The following PKNOX2 variants were observed in gnomAD, a reference collection of about 807,000 sequenced individuals.
PKNOX2 encodes homeobox protein PKNOX2.
Under a neutral mutation model 53.1 loss-of-function variants are expected in PKNOX2, and 14 were observed. That is an observed-to-expected ratio of 0.26 (90% CI 0.17 to 0.41). The LOEUF (loss-of-function observed/expected upper bound fraction) is 0.41. Ranked by LOEUF, PKNOX2 falls within the 10% of genes least tolerant of loss-of-function variation. PKNOX2 has a pLI of 1.00. For synonymous variants in PKNOX2, 257 were observed against 242.8 expected, an observed-to-expected ratio of 1.06 and a Z score of -0.54; for missense variants, 496 against 602.8, an observed-to-expected ratio of 0.82 and a Z score of 1.85.
At chr11:125,193,132 TATA>T (rs966987339) in intron 1 of PKNOX2, among the ~76,000 whole-genome samples, 1 of 152,232 alleles carries the variant, frequency 6.6e-6, no homozygotes, top group Non-Finnish European at 1.5e-5. Flanking sequence ...TTTATAGCTT[TATA>T]AAGCTCTTAA....
At position 125,165,403 on chromosome 11, in the gene PKNOX2, TTC is replaced by T. The variant is rs1954789593; in HGVS notation, c.-201+631_-201+632del. ...CTGGGAACCGCGGGCAGGCTCCAGG[TTC>T]TCTTTCTCCCGGCTTCGGGCGTCCT... On this transcript the variant is annotated intron_variant, in intron 1 of 12. Transcript: ENST00000298282. This position sits in a 1 kb window ranked among gnomAD's most constrained non-coding sequence, Gnocchi z 4.5. Among the ~76,000 whole-genome samples the T allele has an allele frequency of 6.6e-6, 1 of 151,960 alleles. No homozygotes were observed. Among genetic ancestry groups the T allele is most frequent in the Non-Finnish European group, 1.5e-5 (1 of 67,950 alleles).
chr11:125,225,407 G>A (rs1014444796), intron 1 of PKNOX2, among the ~76,000 whole-genome samples: 8 of 152,176 alleles, frequency 5.3e-5, no homozygotes, highest in African/African-American at 1.4e-4. Context: ...TTCCAATCCT[G>A]GACTTCTCTA....
intron 5 of PKNOX2, among the ~76,000 whole-genome samples, chr11:125,374,475 T>C (rs1463510032): frequency 6.6e-6 from 1 of 152,188 alleles, no homozygotes; most frequent in East Asian, 1.9e-4. Context: ...GGAGCTATAA[T>C]CTGAAAAGTG....
chr11:125,348,488 T>TG (rs1951114756), intron 3 of PKNOX2, among the ~76,000 whole-genome samples: 2 of 152,248 alleles, frequency 1.3e-5, no homozygotes, highest in Admixed American at 6.5e-5. Context: ...CAGGGCCATC[T>TG]GGGTCCTCAG....
At chr11:125,350,677 G>A (rs1207393308) in intron 3 of PKNOX2, among the ~76,000 whole-genome samples, 3 of 152,298 alleles carry the variant, frequency 2.0e-5, no homozygotes, top group Admixed American at 6.5e-5. Context: ...CCTTCCCCAA[G>A]GCCTCCAGGC....
intron 2 of PKNOX2, among the ~76,000 whole-genome samples, chr11:125,318,772 G>A (rs1242255019): frequency 6.6e-6 from 1 of 152,196 alleles, no homozygotes; most frequent in Non-Finnish European, 1.5e-5. Flanking sequence ...TGTTGAGGGA[G>A]GGACCTGGTG....
rs1162415563 is a variant in PKNOX2, at chr11:125,370,914, A to G, written c.227+2929A>G. Among the ~76,000 whole-genome samples, 1 of 152,186 alleles carries G rather than the reference A, an allele frequency of 6.6e-6. No homozygotes were observed. Among genetic ancestry groups the G allele is most frequent in the Non-Finnish European group, 1.5e-5 (1 of 68,038 alleles). ...ACACTGGCTTTTGGGAGCCCCCATC[A>G]TGGCCCCTGCTAGAACCACAGATGA... On this transcript the variant is annotated intron_variant, in intron 5 of 12. Transcript: ENST00000298282. This position sits in a 1 kb window ranked among gnomAD's most constrained non-coding sequence, Gnocchi z 4.1.
chr11:125,199,155 T>TC (rs1938137259), intron 1 of PKNOX2, among the ~76,000 whole-genome samples: 1 of 152,108 alleles, frequency 6.6e-6, no homozygotes, highest in Non-Finnish European at 1.5e-5. Context: ...TCCCTTTTTT[T>TC]CTCCTCTTTG....
At chr11:125,209,810 A>G (rs1238683462) in intron 1 of PKNOX2, among the ~76,000 whole-genome samples, 2 of 152,032 alleles carry the variant, frequency 1.3e-5, no homozygotes, top group Non-Finnish European at 1.5e-5. Flanking sequence ...CAAAAGCAGG[A>G]GGGAGTCATG....
chr11:125,323,651 A>T lies in PKNOX2; in HGVS notation c.-129-8168A>T, dbSNP rs563858534. ...TCCTCTGCGTTCCTTAATAACGAAA[A>T]TTTACATGTGTGGGGAAAATCGCAA... is the stretch of plus-strand genomic sequence containing the variant. On this transcript the variant is annotated intron_variant, in intron 2 of 12. Transcript: ENST00000298282. Among the ~76,000 whole-genome samples the T allele has an allele frequency of 2.0e-5, 3 of 152,308 alleles. No individual in the cohort carries two copies. In the South Asian group the frequency reaches 6.2e-4, roughly 32 times the overall value.
At chr11:125,230,308 T>C (rs1942099089) in intron 1 of PKNOX2, among the ~76,000 whole-genome samples, 1 of 152,350 alleles carries the variant, frequency 6.6e-6, no homozygotes, top group Middle Eastern at 3.4e-3. Flanking sequence ...ATTTAGAGCC[T>C]GCTGGTCAGG....
chr11:125,214,523 G>C (rs1246024554), intron 1 of PKNOX2, among the ~76,000 whole-genome samples: 3 of 152,040 alleles, frequency 2.0e-5, no homozygotes, highest in African/African-American at 4.8e-5. Flanking sequence ...AAAAGGAAAG[G>C]CTCCTCCACC....
chr11:125,368,552 C>T lies in PKNOX2; in HGVS notation c.227+567C>T, dbSNP rs145088889. On this transcript the variant is annotated intron_variant, in intron 5 of 12. Coordinates refer to ENST00000298282, the MANE Select transcript of PKNOX2 (RefSeq NM_001382323.2). ...TCTGATGCAGCTGGTTATTGGACCACACTTGGATTCATGGTAGTCTCTGTT... is the reference window on the plus strand; with the variant it reads ...TCTGATGCAGCTGGTTATTGGACCATACTTGGATTCATGGTAGTCTCTGTT... Among the ~76,000 whole-genome samples, 3 of 152,338 alleles carry T rather than the reference C, an allele frequency of 2.0e-5. No individual in the cohort carries two copies. In the East Asian group the frequency reaches 5.8e-4, roughly 29 times the overall value.
chr11:125,316,186 C>T (rs1046854635), intron 2 of PKNOX2, among the ~76,000 whole-genome samples: 3 of 152,192 alleles, frequency 2.0e-5, no homozygotes, highest in African/African-American at 7.2e-5. Flanking sequence ...CCAGTTGCTA[C>T]TGACTCACCC....
chr11:125,199,550 A>T (rs768107613), intron 1 of PKNOX2, among the ~76,000 whole-genome samples: 1 of 152,124 alleles, frequency 6.6e-6, no homozygotes, highest in Non-Finnish European at 1.5e-5. Context: ...GTTGCTTAAG[A>T]TTTCCTGGGT....
rs1392167996 is a variant in PKNOX2, at chr11:125,334,887, A to T, written c.-23+2962A>T. 3.3e-5 allele frequency among the ~76,000 whole-genome samples: 5 copies of T among 152,132 alleles called. No individual in the cohort carries two copies. In the East Asian group the frequency reaches 9.6e-4, roughly 29 times the overall value. On this transcript the variant is annotated intron_variant, in intron 3 of 12. Transcript: ENST00000298282. ...CCAAAGTGCTGTGATTACAGGCATG[A>T]GCCACTGCGCCCAGACACTTAAGTT...
At chr11:125,292,687 G>T (rs1000058162) in intron 2 of PKNOX2, among the ~76,000 whole-genome samples, 2 of 152,294 alleles carry the variant, frequency 1.3e-5, no homozygotes, top group East Asian at 3.9e-4. Context: ...GAGGCTGGCT[G>T]CAGCCACCCC....
chr11:125,401,770 T>A (rs1036894294), intron 7 of PKNOX2, among the ~76,000 whole-genome samples: 1 of 150,724 alleles, frequency 6.6e-6, no homozygotes, highest in African/African-American at 2.4e-5. Context: ...CTTGTGAGTG[T>A]GTGTGTGTGT....
intron 3 of PKNOX2, among the ~76,000 whole-genome samples, chr11:125,342,404 G>A (rs1465832752): frequency 1.3e-5 from 2 of 152,026 alleles, no homozygotes; most frequent in African/African-American, 4.8e-5. Context: ...CACCTTACAT[G>A]GTCCCCATGC....
Sources: allele counts gnomAD v4.1 joint callset (sites outside exome capture counted in the v4.1 genomes callset), GRCh38; gene constraint gnomAD v4.1.1; non-coding constraint Gnocchi (gnomAD v3.1); transcripts MANE v1.5; gene names NCBI Gene and HGNC (gene_info 2026-07-23, HGNC 2026-07-21).